COLGALT2: variants seen among roughly 807,000 people sequenced by gnomAD.
COLGALT2 encodes the protein procollagen galactosyltransferase 2.
A neutral mutation model predicts 73.4 loss-of-function variants in COLGALT2; 49 were observed. That is an observed-to-expected ratio of 0.67 (90% CI 0.53 to 0.85). The LOEUF (loss-of-function observed/expected upper bound fraction) is 0.85, where lower values mean the gene tolerates loss of function less well. Ranked by LOEUF, COLGALT2 falls within the 40% of genes least tolerant of loss-of-function variation. The pLI, the probability that COLGALT2 is intolerant of heterozygous loss-of-function variation, is 0.00. For missense variants in COLGALT2, 722 were observed against 790.2 expected, an observed-to-expected ratio of 0.91 and a Z score of 1.03; for synonymous variants, 295 against 307.6, an observed-to-expected ratio of 0.96 and a Z score of 0.43.
At chr1:183,990,700 A>AT (rs1203738057) in intron 1 of COLGALT2, among the ~76,000 whole-genome samples, 1 of 152,250 alleles carries the variant, frequency 6.6e-6, no homozygotes, top group Non-Finnish European at 1.5e-5. Flanking sequence ...AAGGAACAAC[A>AT]TATGTGGAGG....
chr1:183,936,011 G>A lies in COLGALT2; in HGVS notation c.*2750C>T, dbSNP rs1669942850. ...ATGAACCGCAAGCGGGGCCCATGCA[G>A]CGTGTCCTCTGCAAAGTGCAGGTGT... On this transcript the variant is annotated 3_prime_UTR_variant, in exon 12 of 12. Coordinates refer to ENST00000361927, the MANE Select transcript of COLGALT2 (RefSeq NM_015101.4). The A allele has an allele frequency of 3.0e-6, 3 of 985,368 alleles. No individual in the cohort carries two copies. Among genetic ancestry groups the A allele is most frequent in the African/African-American group, 3.5e-5 (2 of 57,238 alleles). 61.0% of individuals were successfully genotyped at this position (985,368 alleles called of 1,614,324 possible).
chr1:183,992,118 C>T (rs188048886), intron 1 of COLGALT2, among the ~76,000 whole-genome samples: 11 of 152,328 alleles, frequency 7.2e-5, no homozygotes, highest in African/African-American at 1.7e-4. Flanking sequence ...AGCAACATCT[C>T]ATTTAATCCT....
downstream of COLGALT2, among the ~76,000 whole-genome samples, chr1:183,933,637 A>C (rs1669888583): frequency 6.6e-6 from 1 of 152,156 alleles, no homozygotes; most frequent in African/African-American, 2.4e-5. Flanking sequence ...AGAGAGAGAG[A>C]GAGCTGCCCA....
chr1:183,978,380 G>C, intron 2 of COLGALT2, 30 bp downstream of exon 2: 1 of 1,216,666 alleles, frequency 8.2e-7, no homozygotes, highest in Non-Finnish European at 1.2e-6. Context: ...GGTAAATAAT[G>C]AGTTTACAAA....
intron 9 of COLGALT2, among the ~76,000 whole-genome samples, 179 bp from the exon 10 acceptor site, chr1:183,944,502 T>C (rs1235934528): frequency 6.6e-6 from 1 of 152,248 alleles, no homozygotes; most frequent in Non-Finnish European, 1.5e-5. Context: ...GCAGTGAGGA[T>C]ATATGATCAC....
intron 1 of COLGALT2, among the ~76,000 whole-genome samples, chr1:183,995,305 A>G (rs1453628155): frequency 1.3e-5 from 2 of 152,260 alleles, no homozygotes; most frequent in African/African-American, 4.8e-5. Flanking sequence ...AAATCTAACC[A>G]CTGGCAAAAG....
chr1:183,964,046 C>T (rs1670797427), intron 5 of COLGALT2, 26 bp from the exon 6 acceptor site: 4 of 1,610,240 alleles, frequency 2.5e-6, no homozygotes, highest in Non-Finnish European at 3.4e-6. Context: ...AGGGACAAAG[C>T]CAACAATCAG....
intron 4 of COLGALT2, among the ~76,000 whole-genome samples, chr1:183,972,753 G>C (rs928900654): frequency 1.3e-5 from 2 of 151,300 alleles, no homozygotes; most frequent in Non-Finnish European, 2.9e-5. Context: ...AGGCTGGAGC[G>C]CAGTGGCGCG....
intron 1 of COLGALT2, among the ~76,000 whole-genome samples, chr1:183,993,212 A>G (rs1190076112): frequency 6.6e-6 from 1 of 152,218 alleles, no homozygotes; most frequent in Non-Finnish European, 1.5e-5. Flanking sequence ...TTTGACTTTC[A>G]TGTGGGCTCT....
Position 184,037,366 on chromosome 1 carries a change from C to T in COLGALT2, c.-9G>A. On this transcript the variant is annotated 5_prime_UTR_variant, in exon 1 of 12. Transcript: ENST00000361927. ...GCAGGGCGCGCAGCCATGTTCCGGG[C>T]CGAGGCGGGCGGCGGGGAAGTCCTG... The T allele has an allele frequency of 4.3e-6, 6 of 1,409,814 alleles. No individual in the cohort carries two copies. Among genetic ancestry groups the T allele is most frequent in the Non-Finnish European group, 5.6e-6 (6 of 1,080,278 alleles). 87.3% of individuals were successfully genotyped at this position (1,409,814 alleles called of 1,614,324 possible).
At chr1:184,028,354 A>T (rs898115217) in intron 1 of COLGALT2, among the ~76,000 whole-genome samples, 1 of 151,930 alleles carries the variant, frequency 6.6e-6, no homozygotes, top group Non-Finnish European at 1.5e-5. Flanking sequence ...ACCTCCACAG[A>T]CTCTCCTGTC....
At chr1:184,033,108 C>G (rs1222982378) in intron 1 of COLGALT2, among the ~76,000 whole-genome samples, 1 of 152,244 alleles carries the variant, frequency 6.6e-6, no homozygotes. Flanking sequence ...TGCACAGACT[C>G]TGTGAATCCC....
chr1:184,012,848 G>GA, intron 1 of COLGALT2, among the ~76,000 whole-genome samples: 1 of 152,320 alleles, frequency 6.6e-6, no homozygotes, highest in Admixed American at 6.5e-5. Context: ...CTATTGATGT[G>GA]AAAATCTATT....
At chr1:184,013,104 C>A (rs1416992985) in intron 1 of COLGALT2, among the ~76,000 whole-genome samples, 1 of 152,228 alleles carries the variant, frequency 6.6e-6, no homozygotes, top group African/African-American at 2.4e-5. Context: ...CATTTGAGGT[C>A]AGGAGTTCAA....
chr1:184,007,924 C>T (rs912420613), intron 1 of COLGALT2, among the ~76,000 whole-genome samples: 2 of 152,174 alleles, frequency 1.3e-5, no homozygotes, highest in African/African-American at 4.8e-5. Context: ...ATATTCATCA[C>T]CCCCCATTAC....
chr1:184,030,255 T>C (rs1649465999), intron 1 of COLGALT2, among the ~76,000 whole-genome samples: 1 of 152,216 alleles, frequency 6.6e-6, no homozygotes, highest in Admixed American at 6.5e-5. Context: ...CAAGTCACTC[T>C]TTTGAAATAA....
chr1:184,032,775 CACTGAT>C (rs1649555961), intron 1 of COLGALT2, among the ~76,000 whole-genome samples: 1 of 152,160 alleles, frequency 6.6e-6, no homozygotes, highest in African/African-American at 2.4e-5. Context: ...TGAAAAATGT[CACTGAT>C]ACTAGTTTGG....
At chr1:183,986,848 A>G (rs1007543375) in intron 1 of COLGALT2, among the ~76,000 whole-genome samples, 10 of 152,128 alleles carry the variant, frequency 6.6e-5, no homozygotes, top group African/African-American at 2.4e-4. Flanking sequence ...GGTGGGTGCT[A>G]GAGCTTGGCC....
At chr1:183,967,255 G>C (rs1325057818) in intron 5 of COLGALT2, among the ~76,000 whole-genome samples, 2 of 152,246 alleles carry the variant, frequency 1.3e-5, no homozygotes, top group Admixed American at 6.5e-5. Flanking sequence ...TGCACCGCCA[G>C]TCTGGCCCTT....
Sources: allele counts gnomAD v4.1 joint callset (sites outside exome capture counted in the v4.1 genomes callset), GRCh38; gene constraint gnomAD v4.1.1; transcripts MANE v1.5; gene names NCBI Gene and HGNC (gene_info 2026-07-23, HGNC 2026-07-21).